Variants in ZFAND3 observed in about 807,000 individuals in gnomAD.
ZFAND3 encodes zinc finger AN1-type containing 3, also known as AN1-type zinc finger protein 3.
In ZFAND3, 10 loss-of-function variants were observed where a neutral mutation model predicts 29.6. The ratio of observed to expected loss-of-function variants is 0.34; its 90% confidence interval spans 0.21 to 0.57. ZFAND3 has a LOEUF of 0.57. Ranked by LOEUF, ZFAND3 falls within the 20% of genes least tolerant of loss-of-function variation. The pLI is 0.86. For missense variants in ZFAND3, 230 were observed against 304.5 expected (o/e 0.76, Z 1.82); for synonymous variants, 128 against 112.6 (o/e 1.14, Z -0.87).
rs559463020 is a variant in ZFAND3 at position 38,038,495 on chromosome 6, A to G, written c.113-23098A>G. 2.6e-5 allele frequency among the ~76,000 whole-genome samples: 4 copies of G among 152,324 alleles called. No homozygotes were observed. In the South Asian group the frequency reaches 8.3e-4, roughly 32 times the overall value. On this transcript the variant is annotated intron_variant, in intron 2 of 5. Transcript: ENST00000287218. ...TTTTAATTGGGTTTGGAAATACTGT[A>G]CAAGATAAATTGTTTATAAAATGAG...
At chr6:38,031,886 C>G (rs1345388743) in intron 2 of ZFAND3, among the ~76,000 whole-genome samples, 1 of 141,812 alleles carries the variant, frequency 7.1e-6, no homozygotes, top group Non-Finnish European at 1.5e-5. Flanking sequence ...CAGGTCCTTG[C>G]AGTGGTGTCA....
chr6:37,839,808 C>T (rs779755690), intron 1 of ZFAND3, among the ~76,000 whole-genome samples: 28 of 152,070 alleles, frequency 1.8e-4, no homozygotes, highest in Admixed American at 3.3e-4. Context: ...CCACCGCACC[C>T]GGCCATAAGT....
chr6:38,066,022 A>G (rs772687603), intron 3 of ZFAND3, among the ~76,000 whole-genome samples: 4 of 152,120 alleles, frequency 2.6e-5, no homozygotes, highest in Non-Finnish European at 4.4e-5. Flanking sequence ...GTTCTCCCCA[A>G]CAGGTGCATA....
intron 2 of ZFAND3, among the ~76,000 whole-genome samples, chr6:37,958,706 A>G (rs1455729101): frequency 6.6e-6 from 1 of 152,058 alleles, no homozygotes; most frequent in Non-Finnish European, 1.5e-5. Flanking sequence ...TAAGACTTCT[A>G]AAAAACCTTG....
chr6:37,999,771 G>A lies in ZFAND3; in HGVS notation c.113-61822G>A, dbSNP rs1341548918. Among the ~76,000 whole-genome samples, 3 of 152,168 alleles carry A rather than the reference G, an allele frequency of 2.0e-5. No individual in the cohort carries two copies. In the East Asian group the frequency reaches 5.8e-4, roughly 29 times the overall value. On this transcript the variant is annotated intron_variant, in intron 2 of 5. Coordinates refer to ENST00000287218, the MANE Select transcript of ZFAND3 (RefSeq NM_021943.3). ...CAACTAAATCTAATGTGGTGTCCTG[G>A]ATGAGATCCTGGAATGGGAAAAGAA...
chr6:37,928,588 T>A (rs1172126532), intron 1 of ZFAND3, among the ~76,000 whole-genome samples: 1 of 152,106 alleles, frequency 6.6e-6, no homozygotes, highest in Non-Finnish European at 1.5e-5. Flanking sequence ...TGGTGTGATC[T>A]CAGCTCACTG....
intron 2 of ZFAND3, among the ~76,000 whole-genome samples, chr6:37,940,770 T>G (rs1761797600): frequency 6.6e-6 from 1 of 152,236 alleles, no homozygotes; most frequent in South Asian, 2.1e-4. Flanking sequence ...CTTAATTTAC[T>G]TTTAAACTAA....
At chr6:37,857,454 T>A (rs1025337224) in intron 1 of ZFAND3, among the ~76,000 whole-genome samples, 14 of 152,082 alleles carry the variant, frequency 9.2e-5, no homozygotes, top group African/African-American at 3.4e-4. Flanking sequence ...AAGTATCTAT[T>A]TTTAAAGAAA....
chr6:37,841,105 G>A (rs1764064639), intron 1 of ZFAND3, among the ~76,000 whole-genome samples: 3 of 152,048 alleles, frequency 2.0e-5, no homozygotes, highest in African/African-American at 7.3e-5. Context: ...CAACACAGAG[G>A]AAATTTAGAG....
intron 1 of ZFAND3, among the ~76,000 whole-genome samples, chr6:37,824,708 TAAA>T (rs1361259552): frequency 2.0e-5 from 3 of 152,356 alleles, no homozygotes; most frequent in South Asian, 2.1e-4. Context: ...GTTTTGATTT[TAAA>T]AAAGAAGCTC....
rs751890921 is a variant in ZFAND3 at position 38,153,930 on chromosome 6, C to T, written c.*1541C>T. The T allele has an allele frequency of 1.0e-6, 1 of 985,430 alleles. No individual in the cohort carries two copies. The highest frequency in any genetic ancestry group is 1.2e-6 in the Non-Finnish European group (1 of 829,936). 61.0% of individuals were successfully genotyped at this position (985,430 alleles called of 1,614,324 possible). On this transcript the variant is annotated 3_prime_UTR_variant, in exon 6 of 6. Coordinates refer to ENST00000287218, the MANE Select transcript of ZFAND3 (RefSeq NM_021943.3). ...TTTTATAAAACAACAAATGGTTCAA[C>T]TCTGTCTGCAAATTAACAGCTGAAC... is the stretch of plus-strand genomic sequence containing the variant.
intron 2 of ZFAND3, among the ~76,000 whole-genome samples, chr6:37,930,816 T>TAG (rs1307613311): frequency 6.6e-6 from 1 of 152,224 alleles, no homozygotes; most frequent in African/African-American, 2.4e-5. Context: ...CTTTCCTTCT[T>TAG]TATTCATTTT....
In ZFAND3 at chr6:37,935,790, T is replaced by C. The variant is rs77126257; in HGVS notation, c.112+5791T>C. Among the ~76,000 whole-genome samples, 20 of 152,330 alleles carry C rather than the reference T, an allele frequency of 1.3e-4. 1 individual carries two copies. The highest frequency in any genetic ancestry group is 2.5e-4 in the Non-Finnish European group (17 of 68,028). On this transcript the variant is annotated intron_variant, in intron 2 of 5. Coordinates refer to ENST00000287218, the MANE Select transcript of ZFAND3 (RefSeq NM_021943.3). Reference sequence around the variant, plus strand: ...TTTGTAAAATAGGGAATATTTCATTTGTGTCTTCAGGCAAGAGGTTAATAG... The same window carrying C: ...TTTGTAAAATAGGGAATATTTCATTCGTGTCTTCAGGCAAGAGGTTAATAG...
chr6:37,884,448 C>T (rs904185849), intron 1 of ZFAND3, among the ~76,000 whole-genome samples: 8 of 130,052 alleles, frequency 6.2e-5, no homozygotes, highest in Non-Finnish European at 1.1e-4. Context: ...GAGCCAAGAT[C>T]GCGCCATTGC....
At chr6:37,933,757 TTTTG>T (rs758030914) in intron 2 of ZFAND3, among the ~76,000 whole-genome samples, 62 of 152,170 alleles carry the variant, frequency 4.1e-4, no homozygotes, top group Non-Finnish European at 5.6e-4. Context: ...AGAGAGGTTT[TTTTG>T]TTTGTTTGTT....
rs924219100 is a variant in ZFAND3 at position 37,894,388 on chromosome 6, T to C, written c.72-35571T>C. ...CTTGAAATCCTTCCTTTCCTTTCCCTTTTTTTTTTTAAGTCTGTTGCCCAG... is the reference window on the plus strand; with the variant it reads ...CTTGAAATCCTTCCTTTCCTTTCCCCTTTTTTTTTTAAGTCTGTTGCCCAG... On this transcript the variant is annotated intron_variant, in intron 1 of 5. Transcript: ENST00000287218. Among the ~76,000 whole-genome samples the C allele has an allele frequency of 8.7e-3, 431 of 49,778 alleles. 4 individuals are homozygous for C. Among genetic ancestry groups the C allele is most frequent in the African/African-American group, 0.033 (411 of 12,530 alleles). 32.7% of individuals were successfully genotyped at this position (49,778 alleles called of 152,430 possible).
chr6:38,076,799 T>G (rs1764564131), intron 3 of ZFAND3, among the ~76,000 whole-genome samples: 1 of 152,202 alleles, frequency 6.6e-6, no homozygotes, highest in Admixed American at 6.5e-5. Flanking sequence ...AGCCTAGGTG[T>G]GTCCTTTCTG....
intron 1 of ZFAND3, among the ~76,000 whole-genome samples, chr6:37,925,640 G>C (rs1761470207): frequency 6.7e-6 from 1 of 149,552 alleles, no homozygotes. Context: ...GGAGGCGGAG[G>C]TTGCAGTGAG....
chr6:37,861,319 G>A (rs1764486722), intron 1 of ZFAND3, among the ~76,000 whole-genome samples: 1 of 152,114 alleles, frequency 6.6e-6, no homozygotes, highest in South Asian at 2.1e-4. Flanking sequence ...AGATGAGAAA[G>A]GCTATCATAG....
Sources: gnomAD v4.1 joint callset for allele counts (sites outside exome capture counted in the v4.1 genomes callset) on GRCh38, gnomAD v4.1.1 for gene constraint, MANE v1.5 for transcripts, NCBI Gene and HGNC (gene_info 2026-07-23, HGNC 2026-07-21) for gene names.